NSG1: variants seen among roughly 807,000 people sequenced by gnomAD.
The protein encoded by NSG1 is neuronal vesicle trafficking-associated protein 1.
Under a neutral mutation model 19.3 loss-of-function variants are expected in NSG1, and 9 were observed. The ratio of observed to expected loss-of-function variants is 0.47; its 90% CI spans 0.28 to 0.81. The LOEUF is 0.81. NSG1 is among the 40% of genes least tolerant of loss of function. NSG1 has a pLI of 0.11. For missense variants in NSG1, 236 were observed against 242.4 expected, an observed-to-expected ratio of 0.97 and a Z score of 0.18; for synonymous variants, 104 against 107.0, an observed-to-expected ratio of 0.97 and a Z score of 0.17.
chr4:4,387,494 G>T (rs1415001609), intron 1 of NSG1, 110 bp from the exon 2 acceptor site: 4 of 701,946 alleles, frequency 5.7e-6, no homozygotes, highest in Non-Finnish European at 9.6e-6. Context: ...GACGAAGCGG[G>T]GCCGGGGAGC....
At chr4:4,415,950 G>T in intron 4 of NSG1, 1 of 620,350 alleles carries the variant, frequency 1.6e-6, no homozygotes, top group Non-Finnish European at 2.9e-6. Context: ...TTGTTCTGTA[G>T]CGTGTCAGGT....
At chr4:4,397,430 C>T (rs1723311559) in intron 3 of NSG1, among the ~76,000 whole-genome samples, 2 of 152,196 alleles carry the variant, frequency 1.3e-5, no homozygotes, top group Non-Finnish European at 2.9e-5. Context: ...ATGAGGGTGA[C>T]ACACCAAATC....
intron 2 of NSG1, among the ~76,000 whole-genome samples, chr4:4,390,829 T>C (rs1722951648): frequency 6.6e-6 from 1 of 151,530 alleles, no homozygotes; most frequent in Non-Finnish European, 1.5e-5. Context: ...GTAGGGCAGA[T>C]GCAAGGGCTG....
chr4:4,396,463 C>A (rs1723254656), intron 3 of NSG1, among the ~76,000 whole-genome samples: 1 of 152,212 alleles, frequency 6.6e-6, no homozygotes, highest in African/African-American at 2.4e-5. Context: ...CACCCTGGGG[C>A]CTTGAGAGAT....
At chr4:4,405,557 A>G (rs1296963066) in intron 3 of NSG1, among the ~76,000 whole-genome samples, 1 of 152,132 alleles carries the variant, frequency 6.6e-6, no homozygotes, top group East Asian at 1.9e-4. Flanking sequence ...AGCAGCTTAC[A>G]GGATTCAATT....
chr4:4,413,302 G>A (rs1204606738), intron 4 of NSG1, among the ~76,000 whole-genome samples: 1 of 151,844 alleles, frequency 6.6e-6, no homozygotes, highest in African/African-American at 2.4e-5. Flanking sequence ...GGTCCACATT[G>A]GAGGAGCGGG....
chr4:4,414,948 CT>C (rs763639876), intron 4 of NSG1, among the ~76,000 whole-genome samples: 3 of 150,108 alleles, frequency 2.0e-5, no homozygotes, highest in Non-Finnish European at 4.4e-5. Flanking sequence ...CTACCTCTGC[CT>C]TTAAAAAAAA....
intron 3 of NSG1, among the ~76,000 whole-genome samples, chr4:4,400,619 G>T (rs4582096): frequency 0.71 from 108,202 of 152,166 alleles, 39,305 homozygotes; most frequent in East Asian, 0.94. Flanking sequence ...TCCTCTTTAA[G>T]TTCCTTCAAA....
At chr4:4,402,694 C>G (rs1723634068) in intron 3 of NSG1, among the ~76,000 whole-genome samples, 1 of 152,190 alleles carries the variant, frequency 6.6e-6, no homozygotes, top group Non-Finnish European at 1.5e-5. Flanking sequence ...GGCCTTTCTC[C>G]TTTGATTTTG....
chr4:4,387,561 C>CGGGGGGGGGTGTG, intron 1 of NSG1, 43 bp from the exon 2 acceptor site: 4 of 1,141,988 alleles, frequency 3.5e-6, no homozygotes, highest in Non-Finnish European at 3.7e-6. Context: ...CGCCCCGCCC[C>CGGGGGGGGGTGTG]GGGTCTTGCT....
chr4:4,400,572 A>G (rs2108737550), intron 3 of NSG1, among the ~76,000 whole-genome samples: 1 of 152,330 alleles, frequency 6.6e-6, no homozygotes, highest in African/African-American at 2.4e-5. Flanking sequence ...TATGTTTTTC[A>G]ATCTGTGAAC....
intron 4 of NSG1, among the ~76,000 whole-genome samples, chr4:4,414,537 C>T (rs980467367): frequency 6.6e-6 from 1 of 152,152 alleles, no homozygotes; most frequent in African/African-American, 2.4e-5. Context: ...TCATGAAGTC[C>T]CCTTGACCTC....
rs2108761692 is a variant in NSG1 at position 4,418,333 on chromosome 4, G to C, written c.*898G>C. On this transcript the variant is annotated 3_prime_UTR_variant, in exon 5 of 5. Coordinates refer to ENST00000621129, the MANE Select transcript of NSG1 (RefSeq NM_014392.5). ...TAAAGAAATGAGCTGGGTGGGAAAAGTGGAAATGTAATTTCTGGTAAGCTT... is the reference window on the plus strand; with the variant it reads ...TAAAGAAATGAGCTGGGTGGGAAAACTGGAAATGTAATTTCTGGTAAGCTT... 6.6e-6 allele frequency: 1 copy of C among 152,054 alleles called. No homozygotes were observed. Among genetic ancestry groups the C allele is most frequent in the Middle Eastern group, 3.4e-3 (1 of 294 alleles). The allele number at this position is 152,054 out of a possible 1,614,324, so 9.4% of individuals were successfully genotyped here.
chr4:4,395,259 A>AT (rs1723193011), intron 3 of NSG1, among the ~76,000 whole-genome samples: 1 of 152,164 alleles, frequency 6.6e-6, no homozygotes. Context: ...CTGAAGTTTG[A>AT]TTTTAACTTG....
intron 3 of NSG1, among the ~76,000 whole-genome samples, chr4:4,398,647 T>C (rs1051432497): frequency 6.6e-6 from 1 of 152,258 alleles, no homozygotes; most frequent in Non-Finnish European, 1.5e-5. Flanking sequence ...CTGAGTAATA[T>C]TCCATTGTAC....
At chr4:4,417,159 G>C (rs1724595939) in intron 4 of NSG1, 76 bp from the exon 5 acceptor site, 5 of 1,269,534 alleles carry the variant, frequency 3.9e-6, no homozygotes, top group Middle Eastern at 5.3e-4. Flanking sequence ...CTCAGTAACT[G>C]TTGGCTGCCA....
intron 1 of NSG1, 43 bp from the exon 2 acceptor site, chr4:4,387,561 C>CGGGGGTGGGT: frequency 5.3e-6 from 6 of 1,141,992 alleles, no homozygotes; most frequent in Non-Finnish European, 6.2e-6. Flanking sequence ...CGCCCCGCCC[C>CGGGGGTGGGT]GGGTCTTGCT....
intron 3 of NSG1, among the ~76,000 whole-genome samples, chr4:4,403,399 A>G (rs6812659): frequency 0.86 from 130,126 of 152,156 alleles, 55,784 homozygotes; most frequent in East Asian, 0.96. Flanking sequence ...TTCTGGAATC[A>G]CATGGGGCTC....
intron 4 of NSG1, chr4:4,416,071 T>G (rs2108757926): frequency 5.7e-6 from 4 of 702,344 alleles, no homozygotes; most frequent in East Asian, 5.4e-5. Context: ...CTGGGGCACA[T>G]CCTGGCTTCT....
Sources: allele counts gnomAD v4.1 joint callset (sites outside exome capture counted in the v4.1 genomes callset), GRCh38; gene constraint gnomAD v4.1.1; transcripts MANE v1.5; gene names NCBI Gene and HGNC (gene_info 2026-07-23, HGNC 2026-07-21).